MYO5B: variants seen among roughly 807,000 people sequenced by gnomAD.
The protein encoded by MYO5B is unconventional myosin-Vb.
In MYO5B, 143 loss-of-function variants were observed where a neutral mutation model predicts 229.3. That is an observed-to-expected ratio of 0.62 (90% CI 0.54 to 0.72). The LOEUF (loss-of-function observed/expected upper bound fraction) is 0.72, where lower values mean the gene tolerates loss of function less well. Ranked by LOEUF, MYO5B falls within the 30% of genes least tolerant of loss-of-function variation. The pLI is 0.00. For synonymous variants in MYO5B, 918 were observed against 885.2 expected (o/e 1.04, Z -0.66); for missense variants, 2,321 against 2,331.0 (o/e 1.00, Z 0.09).
chr18:49,974,425 A>G lies in MYO5B; in HGVS notation c.1247T>C (p.Ile416Thr). Residue 416 changes from isoleucine to threonine, a missense_variant, in exon 10 of 40, where the codon ATT (isoleucine) becomes ACT (threonine). Physicochemically the swap from Ile to Thr is moderately conservative, Grantham distance 89. Transcript: ENST00000285039. The part of the protein sequence containing the change: ...KHIYAQLFGW[I>T]VEHINKALHT... ...CAGGGCCTTGTTGATGTGCTCCACA[A>G]TCCAGCCGAACAACTGGGCATAGAT... The G allele has an allele frequency of 3.7e-6, 6 of 1,614,134 alleles. No individual in the cohort carries two copies. Among genetic ancestry groups the G allele is most frequent in the Non-Finnish European group, 5.1e-6 (6 of 1,180,004 alleles).
intron 22 of MYO5B, among the ~76,000 whole-genome samples, chr18:49,885,172 T>C (rs1269193659): frequency 6.6e-6 from 1 of 152,288 alleles, no homozygotes; most frequent in East Asian, 1.9e-4. Context: ...ACACAAAAAC[T>C]TGTACGCTGA....
chr18:49,982,656 G>A (rs559496552), intron 8 of MYO5B, among the ~76,000 whole-genome samples: 90 of 152,174 alleles, frequency 5.9e-4, no homozygotes, highest in African/African-American at 2.0e-3. Context: ...AAGTTCTATC[G>A]GAACACAGTC....
intron 25 of MYO5B, 65 bp from the exon 26 acceptor site, chr18:49,875,892 A>G (rs928703228): frequency 3.2e-6 from 5 of 1,581,404 alleles, no homozygotes; most frequent in Admixed American, 1.7e-5. Flanking sequence ...AACACACAGC[A>G]CTTCACTGCC....
chr18:49,937,098 A>T, intron 15 of MYO5B, 147 bp downstream of exon 15: 1 of 980,508 alleles, frequency 1.0e-6, no homozygotes, highest in Non-Finnish European at 1.6e-6. Flanking sequence ...CCTTCTTCTA[A>T]GGACACAAGA....
chr18:50,086,188 T>C (rs1427740614), intron 1 of MYO5B, among the ~76,000 whole-genome samples: 1 of 152,186 alleles, frequency 6.6e-6, no homozygotes, highest in Non-Finnish European at 1.5e-5. Context: ...CTATTTCTAC[T>C]CACTCCAGAT....
At chr18:50,057,471 A>G (rs566468304) in intron 1 of MYO5B, among the ~76,000 whole-genome samples, 116 of 152,318 alleles carry the variant, frequency 7.6e-4, no homozygotes, top group African/African-American at 2.6e-3. Context: ...GATGTTGTGT[A>G]GATCCTGGAA....
At chr18:49,854,484 T>C (rs1041930154) in intron 30 of MYO5B, among the ~76,000 whole-genome samples, 2 of 152,244 alleles carry the variant, frequency 1.3e-5, no homozygotes, top group South Asian at 4.1e-4. Flanking sequence ...TAGATGCTAA[T>C]ATGACCATGA....
intron 7 of MYO5B, among the ~76,000 whole-genome samples, chr18:49,989,542 T>C (rs2025906957): frequency 6.6e-6 from 1 of 151,954 alleles, no homozygotes; most frequent in Non-Finnish European, 1.5e-5. Flanking sequence ...CTTGCCCTCT[T>C]TACACATATG....
intron 26 of MYO5B, among the ~76,000 whole-genome samples, chr18:49,874,771 G>A (rs1257787675): frequency 6.6e-6 from 1 of 152,154 alleles, no homozygotes; most frequent in Non-Finnish European, 1.5e-5. Flanking sequence ...TTCAGCTGAT[G>A]ATATAACCCA....
intron 17 of MYO5B, among the ~76,000 whole-genome samples, chr18:49,913,625 G>C (rs2024981671): frequency 1.3e-5 from 2 of 152,124 alleles, no homozygotes; most frequent in Admixed American, 1.3e-4. Context: ...ACAGGAGACA[G>C]GGAAATACTG....
intron 1 of MYO5B, among the ~76,000 whole-genome samples, chr18:50,121,039 G>C (rs1199464025): frequency 6.6e-6 from 1 of 152,058 alleles, no homozygotes; most frequent in Non-Finnish European, 1.5e-5. Flanking sequence ...CTCTCCTCTG[G>C]GCATTTTCAA....
Position 49,864,349 on chromosome 18 carries a change from A to C in MYO5B, c.3635T>G (p.Leu1212Arg), listed in dbSNP as rs1419433184. Residue 1212 changes from leucine to arginine, a missense_variant, in exon 28 of 40, where the codon CTG (leucine) becomes CGG (arginine). Transcript: ENST00000285039. ...RQELESENKKLKNDLNELRKA... is the reference protein window; with the variant it reads ...RQELESENKKRKNDLNELRKA... ...CCTCAGCTCATTCAGGTCATTCTTC[A>C]GCTTTTTGTTCTCTGACTCCAGCTC... is the stretch of plus-strand genomic sequence containing the variant. 3 of 1,613,812 alleles carry C rather than the reference A, an allele frequency of 1.9e-6. No homozygotes were observed. The highest frequency in any genetic ancestry group is 2.5e-6 in the Non-Finnish European group (3 of 1,180,056).
At chr18:50,013,741 C>T (rs955530849) in intron 4 of MYO5B, among the ~76,000 whole-genome samples, 3 of 152,246 alleles carry the variant, frequency 2.0e-5, no homozygotes, top group African/African-American at 7.2e-5. Flanking sequence ...TTCAAGATCA[C>T]ATGCGAAACC....
At chr18:49,940,963 A>C (rs1379174218) in intron 14 of MYO5B, among the ~76,000 whole-genome samples, 3 of 152,230 alleles carry the variant, frequency 2.0e-5, no homozygotes, top group African/African-American at 7.2e-5. Context: ...ATTCTTAGTT[A>C]TTACAAAGTT....
At chr18:50,039,485 C>T (rs2029939562) in intron 3 of MYO5B, among the ~76,000 whole-genome samples, 1 of 152,038 alleles carries the variant, frequency 6.6e-6, no homozygotes, top group African/African-American at 2.4e-5. Context: ...GCGCCCGCCA[C>T]CACACCCGGC....
rs760147953 is a variant in MYO5B, at chr18:49,837,695, G to A, written c.4960C>T (p.Leu1654=). Residue 1654 remains leucine, a synonymous_variant, in exon 37 of 40, where the codon CTG becomes TTG. Transcript: ENST00000285039. Reference sequence around the variant, plus strand: ...TTCATCTGGCGGATGATAGCTTCCAGGCAGTATGAGTTATCCCCATCTGCC... The same window carrying A: ...TTCATCTGGCGGATGATAGCTTCCAAGCAGTATGAGTTATCCCCATCTGCC... ...SMADGDNSYC[L]EAIIRQMNAF... 3.1e-6 allele frequency: 5 copies of A among 1,614,042 alleles called. No individual in the cohort carries two copies. The African/African-American group carries it at 4.0e-5, about 13-fold the overall frequency.
chr18:50,107,214 G>A (rs2031778810), intron 1 of MYO5B, among the ~76,000 whole-genome samples: 1 of 141,026 alleles, frequency 7.1e-6, no homozygotes, highest in East Asian at 2.2e-4. Context: ...CCACCTCCCA[G>A]GTGGCACTTG....
Position 49,990,513 on chromosome 18 carries a change from T to C in MYO5B, c.764A>G (p.Asp255Gly), listed in dbSNP as rs376607398. The C allele has an allele frequency of 4.3e-6, 7 of 1,613,326 alleles. No individual in the cohort carries two copies. The African/African-American group carries it at 8.0e-5, about 18-fold the overall frequency. Residue 255 changes from aspartate (D) to glycine (G), a missense_variant, in exon 7 of 40, where the codon GAT becomes GGT. By Grantham distance (94) the Asp-to-Gly change is moderately conservative. This residue lies in a region of MYO5B where 2,113 missense variants were observed against 2,044.7 expected (regional missense o/e 1.03). Coordinates refer to ENST00000285039, the MANE Select transcript of MYO5B (RefSeq NM_001080467.3). ...GTAAAAGATGTGGTAATTCCTCTCA[T>C]CATCTGCCTGGAGGAGGAAGAAGTG... is the stretch of plus-strand genomic sequence containing the variant. The part of the protein sequence containing the change: ...EKSRVVFQAD[D>G]ERNYHIFYQL...
intron 1 of MYO5B, among the ~76,000 whole-genome samples, chr18:50,137,210 C>T (rs547645983): frequency 5.3e-5 from 8 of 152,358 alleles, no homozygotes; most frequent in African/African-American, 1.7e-4. Flanking sequence ...CAACGAGGCA[C>T]TCCAGGTTCC....
Sources: gnomAD v4.1 joint callset for allele counts (sites outside exome capture counted in the v4.1 genomes callset) on GRCh38, gnomAD v4.1.1 for gene constraint, gnomAD v4.1.1 regional missense constraint, MANE v1.5 for transcripts, NCBI Gene and HGNC (gene_info 2026-07-23, HGNC 2026-07-21) for gene names.